Variants in RFC2 observed in about 807,000 individuals in gnomAD.
RFC2 encodes the protein replication factor C subunit 2.
A neutral mutation model predicts 44.8 loss-of-function variants in RFC2; 34 were observed. The ratio of observed to expected loss-of-function variants is 0.76; its 90% confidence interval spans 0.58 to 1.01. The LOEUF (loss-of-function observed/expected upper bound fraction) is 1.01. Among genes scored for constraint, RFC2 ranks in the 50% least tolerant of loss-of-function variants. The pLI, the probability that RFC2 is intolerant of heterozygous loss-of-function variation, is 0.00. For missense variants in RFC2, 400 were observed against 453.6 expected (o/e 0.88, Z 1.07); for synonymous variants, 177 against 168.9 (o/e 1.05, Z -0.37).
chr7:74,247,524 C>T (rs554929708), intron 4 of RFC2, among the ~76,000 whole-genome samples: 8 of 152,296 alleles, frequency 5.3e-5, no homozygotes, highest in South Asian at 4.1e-4. Flanking sequence ...CCTGTAGTCC[C>T]GGCTACTTGG....
intron 2 of RFC2, among the ~76,000 whole-genome samples, chr7:74,250,128 G>C (rs1786835163): frequency 6.7e-6 from 1 of 148,342 alleles, no homozygotes; most frequent in South Asian, 2.2e-4. Flanking sequence ...ACTCCAGCCT[G>C]GGAAAGAGTG....
intron 6 of RFC2, among the ~76,000 whole-genome samples, chr7:74,242,831 A>G (rs1171965249): frequency 6.6e-6 from 1 of 151,782 alleles, no homozygotes; most frequent in Non-Finnish European, 1.5e-5. Flanking sequence ...GCTGAAGCAC[A>G]AGAATTGCTT....
intron 4 of RFC2, 48 bp from the exon 5 acceptor site, chr7:74,246,811 T>C (rs782378136): frequency 1.6e-6 from 2 of 1,285,840 alleles, no homozygotes; most frequent in Non-Finnish European, 2.3e-6. Context: ...ACCAATTCAG[T>C]TGCCTTCACA....
intron 10 of RFC2, among the ~76,000 whole-genome samples, chr7:74,233,146 G>A (rs1322103021): frequency 6.6e-6 from 1 of 152,146 alleles, no homozygotes; most frequent in Non-Finnish European, 1.5e-5. Context: ...GGAAGGTTGA[G>A]GCTGCAGTGA....
intron 5 of RFC2, among the ~76,000 whole-genome samples, chr7:74,246,214 T>TAAATACAAATAC (rs547678440): frequency 3.5e-5 from 5 of 142,848 alleles, no homozygotes; most frequent in African/African-American, 1.1e-4. Context: ...AATAAATAAA[T>TAAATACAAATAC]AAATACAAAT....
intron 1 of RFC2, chr7:74,253,634 T>C (rs993362884): frequency 8.5e-5 from 13 of 153,508 alleles, no homozygotes; most frequent in African/African-American, 2.7e-4. Flanking sequence ...TGAGGCAGAA[T>C]TGATTGAACC....
intron 10 of RFC2, among the ~76,000 whole-genome samples, chr7:74,233,594 GGT>G (rs1802844884): frequency 7.1e-6 from 1 of 140,650 alleles, no homozygotes. Context: ...TGTTGTTATT[GGT>G]TTTTTTTTTT....
chr7:74,252,609 C>T, intron 1 of RFC2, 111 bp from the exon 2 acceptor site: 1 of 721,900 alleles, frequency 1.4e-6, no homozygotes, highest in Non-Finnish European at 2.5e-6. Context: ...ACATTCAGTA[C>T]AACTATGCCA....
chr7:74,245,951 C>T (rs1359579777), intron 5 of RFC2, among the ~76,000 whole-genome samples: 2 of 151,614 alleles, frequency 1.3e-5, no homozygotes, highest in African/African-American at 4.8e-5. Context: ...AATCCCAGCA[C>T]TTTGGGAGGC....
chr7:74,233,707 C>G (rs1802855704), intron 10 of RFC2: 5 of 416,808 alleles, frequency 1.2e-5, no homozygotes, highest in South Asian at 5.0e-5. Flanking sequence ...TTCAAGCGAT[C>G]CTCCTCCCTC....
intron 2 of RFC2, 132 bp downstream of exon 2, chr7:74,252,297 C>G (rs1787007237): frequency 1.8e-6 from 1 of 559,136 alleles, no homozygotes; most frequent in African/African-American, 2.0e-5. Context: ...GTCCCAGCTA[C>G]TGGGGAGGCT....
At chr7:74,234,271 CAG>C (rs1472533581) in intron 10 of RFC2, among the ~76,000 whole-genome samples, 1 of 152,084 alleles carries the variant, frequency 6.6e-6, no homozygotes, top group Non-Finnish European at 1.5e-5. Context: ...TCCCATGAAA[CAG>C]AAACTACATC....
At position 74,249,413 on chromosome 7, in the gene RFC2, C is replaced by A. The variant is rs568619186; in HGVS notation, c.226-295G>T. On this transcript the variant is annotated intron_variant, in intron 3 of 10. Transcript: ENST00000055077. ...AAACTTAGCTGGGCGTGATGGCAGG[C>A]ACCTGTAATCCCAGCTAGTCGGGAG... is the stretch of plus-strand genomic sequence containing the variant. Among the ~76,000 whole-genome samples the A allele has an allele frequency of 1.1e-4, 16 of 152,226 alleles. No homozygotes were observed. In the South Asian group the frequency reaches 3.3e-3, roughly 32 times the overall value.
rs1554720748 is a variant in RFC2, at chr7:74,249,772, T to C, written c.192A>G (p.Ala64=). Reference sequence around the variant, plus strand: ...TGATGTTGGGCACATTTCCTTCCCTTGCAAAGACCTACGGCGAAAATGATC... The same window carrying C: ...TGATGTTGGGCACATTTCCTTCCCTCGCAAAGACCTACGGCGAAAATGATC... ...EDTVSRLEVF[A]REGNVPNIII... Residue 64 remains alanine (A), a synonymous_variant, in exon 3 of 11, where the codon GCA becomes GCG. Transcript: ENST00000055077. 1 of 1,613,564 alleles carries C rather than the reference T, an allele frequency of 6.2e-7. No individual in the cohort carries two copies. Among genetic ancestry groups the C allele is most frequent in the Non-Finnish European group, 8.5e-7 (1 of 1,179,654 alleles).
chr7:74,242,457 T>C (rs1046319790), intron 6 of RFC2, among the ~76,000 whole-genome samples: 20 of 152,168 alleles, frequency 1.3e-4, no homozygotes, highest in Admixed American at 4.6e-4. Flanking sequence ...TACCTCCTCA[T>C]AGGATTATGT....
At chr7:74,247,660 A>C (rs1803697510) in intron 4 of RFC2, among the ~76,000 whole-genome samples, 1 of 152,172 alleles carries the variant, frequency 6.6e-6, no homozygotes, top group African/African-American at 2.4e-5. Flanking sequence ...AAAGAAAGAA[A>C]AGAACAGAAC....
At chr7:74,234,155 C>T (rs569094734) in intron 10 of RFC2, among the ~76,000 whole-genome samples, 2 of 152,232 alleles carry the variant, frequency 1.3e-5, no homozygotes, top group South Asian at 2.1e-4. Flanking sequence ...GAAGTACCAG[C>T]GTGGACACAT....
At chr7:74,247,517 G>A (rs782812067) in intron 4 of RFC2, among the ~76,000 whole-genome samples, 2 of 152,198 alleles carry the variant, frequency 1.3e-5, no homozygotes, top group Non-Finnish European at 2.9e-5. Flanking sequence ...GCGCACGCCT[G>A]TAGTCCCGGC....
intron 3 of RFC2, among the ~76,000 whole-genome samples, chr7:74,249,482 G>A (rs1300516182): frequency 6.6e-6 from 1 of 151,928 alleles, no homozygotes; most frequent in Admixed American, 6.6e-5. Context: ...GAGAGGTTGC[G>A]GTGAGCAGAG....
Sources: gnomAD v4.1 joint callset for allele counts (sites outside exome capture counted in the v4.1 genomes callset) on GRCh38, gnomAD v4.1.1 for gene constraint, MANE v1.5 for transcripts, NCBI Gene and HGNC (gene_info 2026-07-23, HGNC 2026-07-21) for gene names.